CLIP2: variants seen among roughly 807,000 people sequenced by gnomAD.
CLIP2 encodes the protein CAP-Gly domain containing linker protein 2, also known as CAP-Gly domain-containing linker protein 2.
Under a neutral mutation model 111.7 loss-of-function variants are expected in CLIP2, and 41 were observed. The ratio of observed to expected loss-of-function variants is 0.37; its 90% CI spans 0.29 to 0.48. The LOEUF (loss-of-function observed/expected upper bound fraction) is 0.48, where lower values mean the gene tolerates loss of function less well. Ranked by LOEUF, CLIP2 falls within the 20% of genes least tolerant of loss-of-function variation. The pLI is 0.99. For synonymous variants in CLIP2, 660 were observed against 644.2 expected, an observed-to-expected ratio of 1.02 and a Z score of -0.37; for missense variants, 1,160 against 1,422.1, an observed-to-expected ratio of 0.82 and a Z score of 2.96.
At chr7:74,333,669 G>T (rs559549487) in intron 2 of CLIP2, among the ~76,000 whole-genome samples, 1 of 152,030 alleles carries the variant, frequency 6.6e-6, no homozygotes, top group Admixed American at 6.6e-5. Flanking sequence ...TTTTTGTAGA[G>T]ACAGGGTCTC....
chr7:74,349,468 G>T (rs868956980), intron 3 of CLIP2, among the ~76,000 whole-genome samples: 1 of 61,778 alleles, frequency 1.6e-5, no homozygotes, highest in Non-Finnish European at 3.1e-5. Flanking sequence ...GTGTGTGTGT[G>T]TGTATATATA....
intron 8 of CLIP2, among the ~76,000 whole-genome samples, chr7:74,368,843 G>A (rs184162130): frequency 2.0e-5 from 3 of 152,112 alleles, no homozygotes; most frequent in Non-Finnish European, 2.9e-5. Context: ...TCAACTCACC[G>A]CCAGTCTTAT....
In CLIP2 at chr7:74,404,005, C is replaced by G. The variant is rs112057972; in HGVS notation, c.*157C>G. 7.6e-6 allele frequency: 6 copies of G among 787,356 alleles called. No homozygotes were observed. In the Admixed American group the frequency reaches 7.7e-5, roughly 10 times the overall value. The allele number at this position is 787,356 out of a possible 1,614,324, so 48.8% of individuals were successfully genotyped here. ...CACCGCCGCGGACAATCCCCCACCC[C>G]GATCCCTCGCCAGACCAGGACGCTT... On this transcript the variant is annotated 3_prime_UTR_variant, in exon 17 of 17. Coordinates refer to ENST00000223398, the MANE Select transcript of CLIP2 (RefSeq NM_003388.5).
chr7:74,347,545 G>A (rs1584347549), intron 3 of CLIP2, among the ~76,000 whole-genome samples: 1 of 152,150 alleles, frequency 6.6e-6, no homozygotes, highest in East Asian at 1.9e-4. Context: ...TGGGATTACA[G>A]GCGTGAGCCA....
At chr7:74,312,711 C>T (rs1278058985) in intron 1 of CLIP2, among the ~76,000 whole-genome samples, 1 of 152,068 alleles carries the variant, frequency 6.6e-6, no homozygotes, top group Non-Finnish European at 1.5e-5. Flanking sequence ...GCACCAGGGG[C>T]GTTGGAATGT....
Position 74,338,398 on chromosome 7 carries a change from G to A in CLIP2, c.122-50G>A, listed in dbSNP as rs1257891114. 3.2e-6 allele frequency: 5 copies of A among 1,579,482 alleles called. No homozygotes were observed. The African/African-American group carries it at 5.4e-5, about 17-fold the overall frequency. On this transcript the variant is annotated intron_variant, in intron 2 of 16. Transcript: ENST00000223398. The surrounding 1 kb of genome is among the most constrained non-coding windows in gnomAD (Gnocchi z 4.3). ...ACTCTGTGCTCCTGGGGCCACCCAG[G>A]GGCCAGCCCTAACAGCCACCTCTTT...
chr7:74,343,146 C>T (rs1789705270), intron 3 of CLIP2, among the ~76,000 whole-genome samples: 2 of 151,176 alleles, frequency 1.3e-5, no homozygotes, highest in Non-Finnish European at 2.9e-5. Context: ...TGAGATGGTG[C>T]GGCTCCACTC....
chr7:74,358,642 C>T (rs1270080003), intron 6 of CLIP2, among the ~76,000 whole-genome samples: 4 of 151,658 alleles, frequency 2.6e-5, no homozygotes, highest in East Asian at 1.9e-4. Context: ...AGTGCAGTGA[C>T]GCCATCATAG....
chr7:74,357,649 T>TTCCAG (rs1463759648), intron 6 of CLIP2, among the ~76,000 whole-genome samples, 172 bp downstream of exon 6: 1 of 152,204 alleles, frequency 6.6e-6, no homozygotes, highest in African/African-American at 2.4e-5. Flanking sequence ...GTGAATTTCC[T>TTCCAG]TCCAGTCTTT....
rs1416032269 is a variant in CLIP2, at chr7:74,394,153, TGCTGTCAACA to T, written c.2721-2908_2721-2899del. Reference sequence around the variant, plus strand: ...CCAGAGGGCCTCATCCCCGTCTCCCTGCTGTCAACAGCTGTCAACAGCCTCCTTCCATCCT... The same window carrying T: ...CCAGAGGGCCTCATCCCCGTCTCCCTGCTGTCAACAGCCTCCTTCCATCCT... On this transcript the variant is annotated intron_variant, in intron 13 of 16. Coordinates refer to ENST00000223398, the MANE Select transcript of CLIP2 (RefSeq NM_003388.5). 1.1e-4 allele frequency among the ~76,000 whole-genome samples: 17 copies of T among 152,218 alleles called. No homozygotes were observed. In the East Asian group the frequency reaches 1.2e-3, roughly 10 times the overall value.
intron 2 of CLIP2, among the ~76,000 whole-genome samples, chr7:74,322,108 C>T (rs1316014640): frequency 6.6e-6 from 1 of 150,884 alleles, no homozygotes; most frequent in Non-Finnish European, 1.5e-5. Context: ...TCTTCTGCCT[C>T]AGCCTCCTGA....
intron 12 of CLIP2, among the ~76,000 whole-genome samples, chr7:74,387,351 C>T (rs1791142276): frequency 2.6e-5 from 4 of 152,096 alleles, no homozygotes; most frequent in Admixed American, 1.3e-4. Flanking sequence ...CGGGTTCAAG[C>T]GATTCTCCTG....
At chr7:74,360,027 A>G (rs1790280231) in intron 6 of CLIP2, 148 bp from the exon 7 acceptor site, 2 of 607,888 alleles carry the variant, frequency 3.3e-6, no homozygotes, top group South Asian at 3.8e-5. Context: ...ACCTAGGCCC[A>G]CTGTGCATGC....
rs869087670 is a variant in CLIP2 at position 74,385,737 on chromosome 7, C to CTT, written c.2480-763_2480-762dup. On this transcript the variant is annotated intron_variant, in intron 11 of 16. Coordinates refer to ENST00000223398, the MANE Select transcript of CLIP2 (RefSeq NM_003388.5). ...CTAAGACCACATAGTGTCGGGTCTT[C>CTT]TTTTTTTTTTTTTTTTTTTTTTGAG... 2.1e-3 allele frequency among the ~76,000 whole-genome samples: 249 copies of CTT among 117,626 alleles called. 1 individual carries two copies. The highest frequency in any genetic ancestry group is 3.1e-3 in the Non-Finnish European group (175 of 56,854). The allele number at this position is 117,626 out of a possible 152,430, so 77.2% of individuals were successfully genotyped here. A position where few individuals can be genotyped will look rare whatever the true frequency, so the allele number is the denominator to read the frequency against.
In CLIP2 at chr7:74,329,124, C is replaced by T. The variant is rs1228369645; in HGVS notation, c.122-9324C>T. ...TTTTTTTTTAGTAGAGACGAGGTTT[C>T]ACTGTGTTAGCCAGGATTGTCTCGA... On this transcript the variant is annotated intron_variant, in intron 2 of 16. Coordinates refer to ENST00000223398, the MANE Select transcript of CLIP2 (RefSeq NM_003388.5). 4.3e-5 allele frequency among the ~76,000 whole-genome samples: 5 copies of T among 116,010 alleles called. No individual in the cohort carries two copies. In the Admixed American group the frequency reaches 4.6e-4, roughly 11 times the overall value. 76.1% of individuals were successfully genotyped at this position (116,010 alleles called of 152,430 possible).
chr7:74,316,357 A>G (rs544288107), intron 1 of CLIP2, among the ~76,000 whole-genome samples: 1 of 151,012 alleles, frequency 6.6e-6, no homozygotes, highest in Admixed American at 6.6e-5. Context: ...AAATCCTCCC[A>G]CCTTTGCCCC....
At chr7:74,360,392 T>A in intron 7 of CLIP2, 114 bp downstream of exon 7, 1 of 703,402 alleles carries the variant, frequency 1.4e-6, no homozygotes, top group Non-Finnish European at 2.4e-6. Context: ...TCACTGCCTC[T>A]GGCTGTGTCA....
chr7:74,359,350 C>CT (rs55946789), intron 6 of CLIP2, among the ~76,000 whole-genome samples: 10,590 of 91,768 alleles, frequency 0.12, 1,095 homozygotes, highest in East Asian at 0.41. Context: ...TTTCAGGTTT[C>CT]TTTTTTTTTT....
At chr7:74,370,751 TGCG>T (rs1178063526) in intron 8 of CLIP2, among the ~76,000 whole-genome samples, 3 of 152,002 alleles carry the variant, frequency 2.0e-5, no homozygotes, top group African/African-American at 7.2e-5. Flanking sequence ...CTGAAACACT[TGCG>T]CCTCTTCCTC....
Sources: allele counts gnomAD v4.1 joint callset (sites outside exome capture counted in the v4.1 genomes callset), GRCh38; gene constraint gnomAD v4.1.1; non-coding constraint Gnocchi (gnomAD v3.1); transcripts MANE v1.5; gene names NCBI Gene and HGNC (gene_info 2026-07-23, HGNC 2026-07-21).